The following TMCO1 variants were observed in gnomAD, a reference collection of about 807,000 sequenced individuals.
TMCO1 encodes the protein transmembrane and coiled-coil domains 1, also known as calcium load-activated calcium channel.
TMCO1 carries 29 observed loss-of-function variants against 29.3 expected under a neutral mutation model. The observed-to-expected ratio is 0.99, with a 90% CI of 0.74 to 1.35. TMCO1 has a LOEUF of 1.35. TMCO1 is among the 40% of genes most tolerant of loss of function. The pLI, the probability that TMCO1 is intolerant of heterozygous loss-of-function variation, is 0.00. For synonymous variants in TMCO1, 80 were observed against 77.1 expected (o/e 1.04, Z -0.20); for missense variants, 173 against 225.5 (o/e 0.77, Z 1.49).
At chr1:165,751,107 G>A (rs1055285961) in intron 5 of TMCO1, among the ~76,000 whole-genome samples, 36 of 152,080 alleles carry the variant, frequency 2.4e-4, no homozygotes, top group Non-Finnish European at 1.9e-4. Flanking sequence ...TACTATCATC[G>A]TTGGATATTT....
chr1:165,724,402 C>A, downstream of TMCO1: 1 of 454,064 alleles, frequency 2.2e-6, no homozygotes. Context: ...AAAATCCAAA[C>A]TAAGAAAAAC....
intron 6 of TMCO1, among the ~76,000 whole-genome samples, chr1:165,734,263 TA>T (rs112228227): frequency 0.013 from 2,010 of 152,248 alleles, 52 homozygotes; most frequent in African/African-American, 0.047. Flanking sequence ...AAATATTTAC[TA>T]AAAAAACCTT....
chr1:165,735,946 A>G (rs1233010161), intron 6 of TMCO1, among the ~76,000 whole-genome samples: 1 of 152,212 alleles, frequency 6.6e-6, no homozygotes, highest in Non-Finnish European at 1.5e-5. Context: ...TATGGTCTGA[A>G]TGTTTGTTTC....
chr1:165,756,096 G>C (rs1193555892), intron 3 of TMCO1, among the ~76,000 whole-genome samples: 1 of 151,258 alleles, frequency 6.6e-6, no homozygotes, highest in Non-Finnish European at 1.5e-5. Context: ...CACATCCAGA[G>C]ATCCTGATTC....
intron 3 of TMCO1, among the ~76,000 whole-genome samples, chr1:165,755,956 C>T (rs971185245): frequency 2.7e-5 from 4 of 150,682 alleles, no homozygotes; most frequent in Admixed American, 6.6e-5. Context: ...GAAAATAAAT[C>T]AATTAACTAT....
downstream of TMCO1, chr1:165,726,458 T>A (rs77677461): frequency 1.8e-3 from 999 of 564,988 alleles, 3 homozygotes; most frequent in Non-Finnish European, 2.5e-3. Flanking sequence ...GAGGCTGTAA[T>A]ATAGAGCTTG....
intron 2 of TMCO1, among the ~76,000 whole-genome samples, chr1:165,759,884 T>C (rs1315908990): frequency 1.3e-5 from 2 of 152,230 alleles, no homozygotes; most frequent in Admixed American, 6.5e-5. Flanking sequence ...TTAGCTAGTT[T>C]CAAAGCACAA....
intron 4 of TMCO1, among the ~76,000 whole-genome samples, chr1:165,753,283 GGCAACATA>G: frequency 6.6e-6 from 1 of 151,696 alleles, no homozygotes; most frequent in Non-Finnish European, 1.5e-5. Flanking sequence ...GACCAGCCTG[GGCAACATA>G]GCAAGACCCT....
intron 5 of TMCO1, among the ~76,000 whole-genome samples, chr1:165,746,706 C>T (rs1254429946): frequency 6.6e-6 from 1 of 152,148 alleles, no homozygotes; most frequent in Non-Finnish European, 1.5e-5. Context: ...GCATTCTCTT[C>T]ATCTTGTTCC....
At chr1:165,737,484 T>C (rs1427064339) in intron 6 of TMCO1, among the ~76,000 whole-genome samples, 1 of 152,158 alleles carries the variant, frequency 6.6e-6, no homozygotes, top group African/African-American at 2.4e-5. Flanking sequence ...TGATTGAAAT[T>C]TCCCTACATT....
At position 165,767,690 on chromosome 1, in the gene TMCO1, T is replaced by C. The variant is rs186745656; in HGVS notation, c.148+502A>G. ...CACAACTGAATGAAGCCTCTTCTTC[T>C]TTTTTTTTTAAAGACAAGTCTCACT... On this transcript the variant is annotated intron_variant, in intron 2 of 6. Coordinates refer to ENST00000367881, the MANE Select transcript of TMCO1 (RefSeq NM_019026.6). Among the ~76,000 whole-genome samples the C allele has an allele frequency of 1.5e-3, 220 of 149,422 alleles. 2 individuals carry two copies. The highest frequency in any genetic ancestry group is 0.012 in the South Asian group (55 of 4,714).
intron 5 of TMCO1, among the ~76,000 whole-genome samples, chr1:165,744,594 C>T (rs1651719225): frequency 6.6e-6 from 1 of 152,004 alleles, no homozygotes; most frequent in African/African-American, 2.4e-5. Context: ...GAGTTCGAGA[C>T]CAGCTGACCA....
intron 2 of TMCO1, among the ~76,000 whole-genome samples, chr1:165,762,504 A>G (rs570485984): frequency 6.6e-6 from 1 of 152,332 alleles, no homozygotes; most frequent in East Asian, 1.9e-4. Context: ...GTCTTCTAGA[A>G]GACCAGATTG....
chr1:165,751,919 A>C (rs1052964092), intron 5 of TMCO1, among the ~76,000 whole-genome samples, 183 bp downstream of exon 5: 1 of 152,170 alleles, frequency 6.6e-6, no homozygotes, highest in Non-Finnish European at 1.5e-5. Context: ...GAAAAAGAAA[A>C]AAAAGAAGTG....
intron 5 of TMCO1, among the ~76,000 whole-genome samples, chr1:165,750,593 A>T (rs1464051708): frequency 6.6e-6 from 1 of 152,042 alleles, no homozygotes; most frequent in African/African-American, 2.4e-5. Context: ...GGAACATTAT[A>T]AAGACATTTC....
At chr1:165,759,400 G>A (rs1163371694) in intron 3 of TMCO1, 125 bp downstream of exon 3, 1 of 750,830 alleles carries the variant, frequency 1.3e-6, no homozygotes, top group African/African-American at 1.8e-5. Context: ...GTATGCATGT[G>A]CTTTATAAAC....
intron 6 of TMCO1, among the ~76,000 whole-genome samples, chr1:165,742,709 C>T (rs772318187): frequency 2.6e-5 from 4 of 152,188 alleles, no homozygotes; most frequent in Non-Finnish European, 5.9e-5. Context: ...TTTTTCACTA[C>T]GAATGTCAAA....
chr1:165,734,664 C>T (rs1425561395), intron 6 of TMCO1, among the ~76,000 whole-genome samples: 2 of 152,048 alleles, frequency 1.3e-5, no homozygotes, highest in Admixed American at 6.6e-5. Context: ...TGCCACCATG[C>T]CCGGCTAATT....
rs1461454577 is a variant in TMCO1 at position 165,739,639 on chromosome 1, T to C, written c.468+3528A>G. On this transcript the variant is annotated intron_variant, in intron 6 of 6. Coordinates refer to ENST00000367881, the MANE Select transcript of TMCO1 (RefSeq NM_019026.6). ...CCTGGGCTCAAGCTACCTGCTCGCC[T>C]TGGCCTCCCAAAGTGCTGGGATTAC... 2.6e-5 allele frequency among the ~76,000 whole-genome samples: 4 copies of C among 152,134 alleles called. No individual in the cohort carries two copies. In the East Asian group the frequency reaches 7.7e-4, roughly 29 times the overall value.
Sources: gnomAD v4.1 joint callset for allele counts (sites outside exome capture counted in the v4.1 genomes callset) on GRCh38, gnomAD v4.1.1 for gene constraint, MANE v1.5 for transcripts, NCBI Gene and HGNC (gene_info 2026-07-23, HGNC 2026-07-21) for gene names.